The following ZNF718 variants were observed in gnomAD, a reference collection of about 807,000 sequenced individuals.
ZNF718 encodes zinc finger protein 718.
Under a neutral mutation model 2.6 loss-of-function variants are expected in ZNF718, and 3 were observed. That is an observed-to-expected ratio of 1.16 (90% CI 0.53 to 3.01). ZNF718 has a LOEUF of 3.01. Among genes scored for constraint, ZNF718 ranks in the 30% most tolerant of loss-of-function variants. The pLI is 0.03. For missense variants in ZNF718, 468 were observed against 230.0 expected (o/e 2.03, Z -6.69); for synonymous variants, 135 against 77.9 (o/e 1.73, Z -3.86).
intron 3 of ZNF718, among the ~76,000 whole-genome samples, chr4:189,257 A>G (rs1553820815): frequency 6.6e-6 from 1 of 151,964 alleles, no homozygotes; most frequent in East Asian, 1.9e-4. Context: ...TATTTTGATC[A>G]TAACGTTTCT....
At chr4:181,139 C>T (rs1553819746) in intron 3 of ZNF718, among the ~76,000 whole-genome samples, 1 of 147,144 alleles carries the variant, frequency 6.8e-6, no homozygotes, top group Admixed American at 6.9e-5. Flanking sequence ...GGACTACAGG[C>T]CTGTGCCCCA....
chr4:184,496 G>A (rs1184922159), intron 3 of ZNF718, among the ~76,000 whole-genome samples: 1 of 152,082 alleles, frequency 6.6e-6, no homozygotes, highest in African/African-American at 2.4e-5. Context: ...TCTCTGCCAG[G>A]TTTTGGTATC....
chr4:135,732 T>TTATATATATATATATATATATATATA (rs1303050207), intron 3 of ZNF718, among the ~76,000 whole-genome samples: 966 of 77,498 alleles, frequency 0.012, 81 homozygotes, highest in African/African-American at 0.027. Context: ...TACTCTAGAG[T>TTATATATATATATATATATATATATA]TATATATATG....
chr4:163,898 A>G lies in ZNF718; in HGVS notation c.*1776A>G, dbSNP rs1156760904. ...TTAAAAATTTATGTGGGTACATGGT[A>G]TGTGTATACATTCATGGCATAGATG... On this transcript the variant is annotated 3_prime_UTR_variant, in exon 4 of 4. Coordinates refer to ENST00000510175, the MANE Select transcript of ZNF718 (RefSeq NM_001039127.6). 6.6e-5 allele frequency: 10 copies of G among 151,982 alleles called. No individual in the cohort carries two copies. The highest frequency in any genetic ancestry group is 6.6e-4 in the Admixed American group (10 of 15,260). 9.4% of individuals were successfully genotyped at this position (151,982 alleles called of 1,614,324 possible). A position where few individuals can be genotyped will look rare whatever the true frequency, so the allele number is the denominator to read the frequency against.
Position 163,500 on chromosome 4 carries a change from A to ACATT in ZNF718, c.*1379_*1382dup, listed in dbSNP as rs1716997460. 1 of 152,182 alleles carries ACATT rather than the reference A, an allele frequency of 6.6e-6. No individual in the cohort carries two copies. The highest frequency in any genetic ancestry group is 1.5e-5 in the Non-Finnish European group (1 of 68,028). 9.4% of individuals were successfully genotyped at this position (152,182 alleles called of 1,614,324 possible). On this transcript the variant is annotated 3_prime_UTR_variant, in exon 4 of 4. Transcript: ENST00000510175. ...TGAACTTTTACATGAATGAGTAAGG[A>ACATT]CATTGAAAGATGCATGAGATGATGC...
intron 3 of ZNF718, 114 bp from the exon 4 acceptor site, chr4:160,796 CCA>C: frequency 3.2e-6 from 2 of 624,526 alleles, no homozygotes; most frequent in South Asian, 4.3e-5. Context: ...CATTATTTGC[CCA>C]CCTTGGCCTC....
chr4:178,500 C>T (rs1717394402), intron 3 of ZNF718, among the ~76,000 whole-genome samples: 1 of 152,120 alleles, frequency 6.6e-6, no homozygotes, highest in South Asian at 2.1e-4. Context: ...CTGCATTATT[C>T]TCTTCTACCA....
intron 3 of ZNF718, among the ~76,000 whole-genome samples, chr4:172,327 TTGTG>T (rs1225687957): frequency 3.3e-5 from 5 of 152,234 alleles, no homozygotes; most frequent in African/African-American, 1.2e-4. Context: ...TAGTATTTCA[TTGTG>T]TGTAAACACA....
chr4:132,461 G>C (rs1233428615), intron 3 of ZNF718, among the ~76,000 whole-genome samples: 1,494 of 103,556 alleles, frequency 0.014, 471 homozygotes, highest in Middle Eastern at 0.12. Context: ...GGGAACATTT[G>C]TATTATTGAG....
Position 145,016 on chromosome 4 carries a change from A to G in ZNF718, c.226+13511A>G, listed in dbSNP as rs537073725. The stretch of plus-strand genomic sequence containing the variant: ...ACTTTTTTAGTTATTGGCATGGAAT[A>G]TTCTTTTTCATCTTCGAACCACTAA... On this transcript the variant is annotated intron_variant, in intron 3 of 3. Coordinates refer to ENST00000510175, the MANE Select transcript of ZNF718 (RefSeq NM_001039127.6). 1.8e-3 allele frequency among the ~76,000 whole-genome samples: 278 copies of G among 151,912 alleles called. 2 individuals are homozygous for G. Among genetic ancestry groups the G allele is most frequent in the Non-Finnish European group, 3.3e-3 (222 of 67,990 alleles).
At chr4:150,888 T>G (rs1468149676) in intron 3 of ZNF718, among the ~76,000 whole-genome samples, 5 of 150,134 alleles carry the variant, frequency 3.3e-5, no homozygotes, top group Admixed American at 1.3e-4. Context: ...AATTTGAATT[T>G]TGTGTGTGTG....
At chr4:142,438 A>G (rs765382473) in intron 3 of ZNF718, among the ~76,000 whole-genome samples, 2 of 152,222 alleles carry the variant, frequency 1.3e-5, no homozygotes, top group Non-Finnish European at 2.9e-5. Flanking sequence ...CTTTAATGGT[A>G]CATACATTGC....
chr4:180,735 G>T (rs535281312), intron 3 of ZNF718, among the ~76,000 whole-genome samples: 1 of 152,322 alleles, frequency 6.6e-6, no homozygotes, highest in East Asian at 1.9e-4. Context: ...ATTTGGTGTT[G>T]CTATTCTGGG....
chr4:130,741 T>TAAA, intron 1 of ZNF718, 47 bp from the exon 2 acceptor site: 9 of 225,634 alleles, frequency 4.0e-5, no homozygotes, highest in South Asian at 8.2e-5. Flanking sequence ...GACTCCGTAT[T>TAAA]AAAAAAAAAA....
chr4:124,597 CCTCTGTGG>C lies in ZNF718; in HGVS notation c.-66_-59del. On this transcript the variant is annotated 5_prime_UTR_variant, in exon 1 of 4. Coordinates refer to ENST00000510175, the MANE Select transcript of ZNF718 (RefSeq NM_001039127.6). The stretch of plus-strand genomic sequence containing the variant: ...CTCGGTGATTCTGCCACAGCCTCAG[CCTCTGTGG>C]CTCTGTGACCTGCCGGTATTGGATG... 6.3e-7 allele frequency: 1 copy of C among 1,577,970 alleles called. No individual in the cohort carries two copies. Among genetic ancestry groups the C allele is most frequent in the Non-Finnish European group, 8.6e-7 (1 of 1,158,360 alleles).
intron 3 of ZNF718, among the ~76,000 whole-genome samples, chr4:155,004 A>C (rs1553813352): frequency 1.2e-4 from 19 of 152,214 alleles, no homozygotes; most frequent in Non-Finnish European, 4.4e-5. Flanking sequence ...CCATAGCTAA[A>C]CAGGGTCAAG....
chr4:176,108 A>G (rs1399153897), intron 3 of ZNF718, among the ~76,000 whole-genome samples: 1 of 152,108 alleles, frequency 6.6e-6, no homozygotes, highest in African/African-American at 2.4e-5. Context: ...AAGCACCCTT[A>G]TAAGCTCTAA....
At chr4:167,514 G>C (rs1056559289), downstream of ZNF718, among the ~76,000 whole-genome samples, 1 of 152,032 alleles carries the variant, frequency 6.6e-6, no homozygotes, top group African/African-American at 2.4e-5. Context: ...TTTGTATCCT[G>C]TTTTATTTCA....
chr4:171,194 C>G (rs559809089), intron 3 of ZNF718, among the ~76,000 whole-genome samples: 3 of 152,260 alleles, frequency 2.0e-5, no homozygotes, highest in South Asian at 2.1e-4. Context: ...GCTGCCTGAT[C>G]GTTCCTCTGG....
Sources: allele counts gnomAD v4.1 joint callset (sites outside exome capture counted in the v4.1 genomes callset), GRCh38; gene constraint gnomAD v4.1.1; transcripts MANE v1.5; gene names NCBI Gene and HGNC (gene_info 2026-07-23, HGNC 2026-07-21).